Variants in C1orf50 observed in about 807,000 individuals in gnomAD.
C1orf50 encodes chromosome 1 open reading frame 50, also known as uncharacterized protein C1orf50.
C1orf50 carries 22 observed loss-of-function variants against 23.3 expected under a neutral mutation model. That is an observed-to-expected ratio of 0.94 (90% confidence interval 0.67 to 1.35). The LOEUF is 1.35. Among genes scored for constraint, C1orf50 ranks in the 40% most tolerant of loss-of-function variants. C1orf50 has a pLI of 0.00. For synonymous variants in C1orf50, 96 were observed against 102.4 expected (o/e 0.94, Z 0.38); for missense variants, 271 against 249.4 (o/e 1.09, Z -0.58).
chr1:42,777,611 T>C lies in C1orf50; in HGVS notation c.*2217T>C, dbSNP rs986557675. The C allele has an allele frequency of 1.3e-5, 2 of 152,342 alleles. No individual in the cohort carries two copies. The highest frequency in any genetic ancestry group is 4.1e-4 in the South Asian group (2 of 4,830). The allele number at this position is 152,342 out of a possible 1,614,324, so 9.4% of individuals were successfully genotyped here. ...TTTCATCACCTTTGCCGTAATCTTT[T>C]GGTTGGAAGCAAGTCACTAGGCTAG... On this transcript the variant is annotated 3_prime_UTR_variant, in exon 5 of 5. Coordinates refer to ENST00000372525, the MANE Select transcript of C1orf50 (RefSeq NM_024097.4).
chr1:42,774,014 G>A (rs997126488), intron 3 of C1orf50, among the ~76,000 whole-genome samples: 2 of 152,048 alleles, frequency 1.3e-5, no homozygotes, highest in Admixed American at 6.6e-5. Context: ...GTAGAGATGG[G>A]GTTTTGCCAT....
chr1:42,773,478 T>C (rs949024816), intron 2 of C1orf50, 85 bp from the exon 3 acceptor site: 1 of 845,494 alleles, frequency 1.2e-6, no homozygotes, highest in Non-Finnish European at 1.9e-6. Flanking sequence ...AAGCAAAATA[T>C]TAACATAACC....
chr1:42,774,603 CAG>C (rs1653295239), intron 3 of C1orf50, 132 bp from the exon 4 acceptor site: 1 of 963,174 alleles, frequency 1.0e-6, no homozygotes. Context: ...ATCTGGATCT[CAG>C]AAGTGATTCA....
rs570382358 is a variant in C1orf50, at chr1:42,777,489, A to G, written c.*2095A>G. The G allele has an allele frequency of 6.6e-6, 1 of 152,370 alleles. No homozygotes were observed. Among genetic ancestry groups the G allele is most frequent in the Admixed American group, 6.5e-5 (1 of 15,306 alleles). The allele number at this position is 152,370 out of a possible 1,614,324, so 9.4% of individuals were successfully genotyped here. A position where few individuals can be genotyped will look rare whatever the true frequency, so the allele number is the denominator to read the frequency against. On this transcript the variant is annotated 3_prime_UTR_variant, in exon 5 of 5. Transcript: ENST00000372525. ...TCACTTCCTTGCCACACGAGCCTCT[A>G]TAACATGGCAGCTTTCTTAAGCAAA...
intron 2 of C1orf50, among the ~76,000 whole-genome samples, chr1:42,769,135 C>G (rs892650647): frequency 6.6e-6 from 1 of 151,954 alleles, no homozygotes; most frequent in Non-Finnish European, 1.5e-5. Flanking sequence ...GTAGTCTCAG[C>G]TACTCGGGAG....
intron 3 of C1orf50, among the ~76,000 whole-genome samples, 157 bp downstream of exon 3, chr1:42,773,806 G>A (rs1193593728): frequency 2.0e-5 from 3 of 152,148 alleles, no homozygotes; most frequent in Non-Finnish European, 2.9e-5. Context: ...AAGAGGTTAA[G>A]TATAAGTTTT....
At chr1:42,769,730 C>T (rs1313786595) in intron 2 of C1orf50, 3 of 152,002 alleles carry the variant, frequency 2.0e-5, no homozygotes, top group African/African-American at 7.3e-5. Context: ...GTAATTCCAG[C>T]TACTCATGAG....
chr1:42,769,093 G>A (rs889203600), intron 2 of C1orf50, among the ~76,000 whole-genome samples: 4 of 151,938 alleles, frequency 2.6e-5, no homozygotes, highest in African/African-American at 9.7e-5. Flanking sequence ...GTGAAACCCC[G>A]TCTCTACTAA....
chr1:42,770,678 C>T (rs972923559), intron 2 of C1orf50, among the ~76,000 whole-genome samples: 4 of 152,192 alleles, frequency 2.6e-5, no homozygotes, highest in East Asian at 3.8e-4. Flanking sequence ...GTGATCCATC[C>T]GCTACGGCCT....
Position 42,776,364 on chromosome 1 carries a change from C to T in C1orf50, c.*970C>T, listed in dbSNP as rs749300396. 2.0e-5 allele frequency: 3 copies of T among 152,136 alleles called. No homozygotes were observed. The highest frequency in any genetic ancestry group is 7.2e-5 in the African/African-American group (3 of 41,392). 9.4% of individuals were successfully genotyped at this position (152,136 alleles called of 1,614,324 possible). ...CTGTAGTTCTTATTCTGACTAGGCT[C>T]TTGTAGGACTCTACCTTCTTTCCTA... On this transcript the variant is annotated 3_prime_UTR_variant, in exon 5 of 5. Transcript: ENST00000372525.
chr1:42,769,288 G>A (rs1176095822), intron 2 of C1orf50, among the ~76,000 whole-genome samples: 1 of 152,162 alleles, frequency 6.6e-6, no homozygotes, highest in African/African-American at 2.4e-5. Context: ...GCTCACGCCT[G>A]TAATCTTAGC....
rs777022936 is a variant in C1orf50 at position 42,767,263 on chromosome 1, G to C, written c.-49G>C. On this transcript the variant is annotated 5_prime_UTR_variant, in exon 1 of 5. Transcript: ENST00000372525. The stretch of plus-strand genomic sequence containing the variant: ...TCCGCCCACGCGCCTTTATGCGCAG[G>C]CTCTTCCTACTCGCACAGCCCAGGG... 6.8e-7 allele frequency: 1 copy of C among 1,461,606 alleles called. No individual in the cohort carries two copies. Among genetic ancestry groups the C allele is most frequent in the South Asian group, 1.4e-5 (1 of 69,112 alleles). The allele number at this position is 1,461,606 out of a possible 1,614,324, so 90.5% of individuals were successfully genotyped here.
chr1:42,775,762 T>TTATATATATATATATATATATATATA lies in C1orf50; in HGVS notation c.*392_*393insTATATATATATATATATATATATATA, dbSNP rs35859868. ...TCCAGAGAGAACTGTTTTCAGTCTT[T>TTATATATATATATATATATATATATA]TATATATATATATATATATATATAA... is the stretch of plus-strand genomic sequence containing the variant. On this transcript the variant is annotated 3_prime_UTR_variant, in exon 5 of 5. Coordinates refer to ENST00000372525, the MANE Select transcript of C1orf50 (RefSeq NM_024097.4). 7.2e-4 allele frequency: 98 copies of TTATATATATATATATATATATATATA among 135,950 alleles called. No homozygotes were observed. The highest frequency in any genetic ancestry group is 6.6e-3 in the South Asian group (24 of 3,636). The allele number at this position is 135,950 out of a possible 1,614,324, so 8.4% of individuals were successfully genotyped here.
chr1:42,773,374 G>T, intron 2 of C1orf50, 189 bp from the exon 3 acceptor site: 1 of 470,858 alleles, frequency 2.1e-6, no homozygotes. Context: ...GTCATGTCAG[G>T]GTGGCCTTCT....
At chr1:42,771,909 C>T (rs1653231161) in intron 2 of C1orf50, among the ~76,000 whole-genome samples, 2 of 149,752 alleles carry the variant, frequency 1.3e-5, no homozygotes, top group Middle Eastern at 3.5e-3. Flanking sequence ...ACCCGGGAGG[C>T]GGAGGTTGCA....
intron 2 of C1orf50, among the ~76,000 whole-genome samples, chr1:42,770,117 G>A (rs541163488): frequency 6.6e-6 from 1 of 152,266 alleles, no homozygotes; most frequent in East Asian, 1.9e-4. Flanking sequence ...TGAGGCCAGG[G>A]TTAGTGCTTA....
At chr1:42,772,577 T>C (rs1470563123) in intron 2 of C1orf50, among the ~76,000 whole-genome samples, 1 of 152,156 alleles carries the variant, frequency 6.6e-6, no homozygotes, top group African/African-American at 2.4e-5. Context: ...GGTCAGAAGT[T>C]CGAGACCAGC....
intron 2 of C1orf50, among the ~76,000 whole-genome samples, chr1:42,772,182 A>G (rs1653238765): frequency 6.6e-6 from 1 of 152,168 alleles, no homozygotes; most frequent in Admixed American, 6.6e-5. Flanking sequence ...TAGCTGCCTA[A>G]TATACATCTG....
intron 2 of C1orf50, chr1:42,769,687 C>G (rs1199383361): frequency 6.6e-6 from 1 of 151,776 alleles, no homozygotes; most frequent in Admixed American, 6.6e-5. Flanking sequence ...ACTAAAAATA[C>G]AAAAAATTAG....
Sources: allele counts gnomAD v4.1 joint callset (sites outside exome capture counted in the v4.1 genomes callset), GRCh38; gene constraint gnomAD v4.1.1; transcripts MANE v1.5; gene names NCBI Gene and HGNC (gene_info 2026-07-23, HGNC 2026-07-21).